Variants in XPO4 observed in about 807,000 individuals in gnomAD.
XPO4 encodes the protein exportin-4.
A neutral mutation model predicts 143.0 loss-of-function variants in XPO4; 39 were observed. The observed-to-expected ratio is 0.27, with a 90% CI of 0.21 to 0.36. XPO4 has a LOEUF of 0.36. Among genes scored for constraint, XPO4 ranks in the 10% least tolerant of loss-of-function variants. XPO4 has a pLI of 1.00. For synonymous variants in XPO4, 439 were observed against 474.0 expected (o/e 0.93, Z 0.96); for missense variants, 907 against 1,348.0 (o/e 0.67, Z 5.12).
At chr13:20,854,556 A>G (rs951937507) in intron 4 of XPO4, among the ~76,000 whole-genome samples, 17 of 152,248 alleles carry the variant, frequency 1.1e-4, no homozygotes, top group African/African-American at 4.1e-4. Flanking sequence ...TTGTAAAGGT[A>G]ATAAGCTACC....
chr13:20,805,040 G>T (rs1008462590), intron 13 of XPO4, among the ~76,000 whole-genome samples: 5 of 152,014 alleles, frequency 3.3e-5, no homozygotes, highest in Admixed American at 1.3e-4. Flanking sequence ...TGCCTCCGAG[G>T]TTCAAGCGAT....
intron 9 of XPO4, among the ~76,000 whole-genome samples, chr13:20,818,470 C>T (rs958307707): frequency 4.6e-5 from 7 of 152,096 alleles, no homozygotes; most frequent in African/African-American, 9.7e-5. Context: ...ACATGAATTG[C>T]TATTAAAAAA....
chr13:20,898,327 G>A (rs1189994708), intron 1 of XPO4, among the ~76,000 whole-genome samples: 1 of 152,214 alleles, frequency 6.6e-6, no homozygotes, highest in Non-Finnish European at 1.5e-5. Flanking sequence ...CACTTTGGGA[G>A]ACCAAGGTGG....
Position 20,855,661 on chromosome 13 carries a change from A to G in XPO4, c.422T>C (p.Val141Ala), listed in dbSNP as rs1202439412. ...SIDCKSIFHEVSQLISSGNPT... is the reference protein window; with the variant it reads ...SIDCKSIFHEASQLISSGNPT... ...ATTGCCACTACTAATCAACTGGCTGACTTCATGAAAAATGCTTTTGCAGTC... is the reference window on the plus strand; with the variant it reads ...ATTGCCACTACTAATCAACTGGCTGGCTTCATGAAAAATGCTTTTGCAGTC... The change falls in exon 4 of 23, where the codon GTC (valine) becomes GCC (alanine). Residue 141 changes from valine (V) to alanine (A), a missense_variant. By Grantham distance (64) the Val-to-Ala change is moderately conservative. Coordinates refer to ENST00000255305, the MANE Select transcript of XPO4 (RefSeq NM_022459.5). 2 of 1,611,578 alleles carry G rather than the reference A, an allele frequency of 1.2e-6. No homozygotes were observed. Among genetic ancestry groups the G allele is most frequent in the African/African-American group, 2.7e-5 (2 of 74,878 alleles).
rs77885654 is a variant in XPO4, at chr13:20,893,052, G to A, written c.69+9618C>T. On this transcript the variant is annotated intron_variant, in intron 1 of 22. Coordinates refer to ENST00000255305, the MANE Select transcript of XPO4 (RefSeq NM_022459.5). ...TCCAGACAGAAGGACTAGTATATGA[G>A]AGGCCCTGTGACAGGACACAGGACA... Among the ~76,000 whole-genome samples, 957 of 152,180 alleles carry A rather than the reference G, an allele frequency of 6.3e-3. 52 individuals are homozygous for A. In the East Asian group the frequency reaches 0.13, roughly 20 times the overall value.
At chr13:20,848,962 C>A (rs2060056849) in intron 4 of XPO4, 2 of 985,398 alleles carry the variant, frequency 2.0e-6, no homozygotes, top group Non-Finnish European at 2.4e-6. Context: ...CTTATCTTCA[C>A]ATTGAAAGTC....
chr13:20,789,554 C>A (rs2059250628), intron 19 of XPO4, among the ~76,000 whole-genome samples: 1 of 151,606 alleles, frequency 6.6e-6, no homozygotes, highest in South Asian at 2.1e-4. Context: ...ACCACCACAC[C>A]CGGCTTTTTT....
At chr13:20,789,700 G>A (rs1164159884) in intron 19 of XPO4, among the ~76,000 whole-genome samples, 1 of 151,714 alleles carries the variant, frequency 6.6e-6, no homozygotes, top group Non-Finnish European at 1.5e-5. Flanking sequence ...GAGCCACTGC[G>A]CCCGGCCCAG....
chr13:20,804,851 T>C (rs976802882), intron 13 of XPO4, among the ~76,000 whole-genome samples: 6 of 152,108 alleles, frequency 3.9e-5, no homozygotes, highest in Admixed American at 1.3e-4. Context: ...ACCTCCACTA[T>C]AGGTCTGAGC....
chr13:20,865,633 A>G, intron 2 of XPO4: 1 of 953,380 alleles, frequency 1.0e-6, no homozygotes, highest in Non-Finnish European at 1.2e-6. Flanking sequence ...CATGAAGACA[A>G]AAGTTAAAGT....
intron 6 of XPO4, among the ~76,000 whole-genome samples, chr13:20,831,706 CTTTA>C: frequency 6.6e-6 from 1 of 151,904 alleles, no homozygotes; most frequent in East Asian, 1.9e-4. Context: ...TTTGCTAACC[CTTTA>C]TCTTAAAAAA....
chr13:20,786,932 GAA>G, intron 22 of XPO4, 31 bp downstream of exon 22: 1 of 1,521,780 alleles, frequency 6.6e-7, no homozygotes, highest in Non-Finnish European at 8.8e-7. Context: ...AATAGAATGA[GAA>G]GAGTCCCCTG....
intron 4 of XPO4, chr13:20,851,792 G>A: frequency 7.1e-6 from 7 of 984,552 alleles, no homozygotes; most frequent in Non-Finnish European, 8.4e-6. Flanking sequence ...AGTCTTTCAT[G>A]AGAATATTAC....
chr13:20,847,578 G>A (rs569963732), intron 4 of XPO4, among the ~76,000 whole-genome samples: 19 of 152,228 alleles, frequency 1.2e-4, no homozygotes, highest in African/African-American at 4.1e-4. Context: ...TGGGCATTCC[G>A]AGTGCACTAC....
chr13:20,855,746 C>A lies in XPO4; in HGVS notation c.337G>T (p.Glu113Ter). 6.3e-7 allele frequency: 1 copy of A among 1,596,254 alleles called. No individual in the cohort carries two copies. The highest frequency in any genetic ancestry group is 2.2e-5 in the East Asian group (1 of 44,582). The change falls in exon 4 of 23, where the codon GAA becomes TAA. Residue 113 changes from glutamate to a stop codon, truncating the protein, a stop_gained. Coordinates refer to ENST00000255305, the MANE Select transcript of XPO4 (RefSeq NM_022459.5). LOFTEE classifies it high-confidence loss of function. ...ACTGCTACTGCTAGTAGAATCTGTT[C>A]CCGAACATACTTTTGAAGGCTGTAA... Reference protein sequence around the residue: ...QRPNLQKYVREQILLAVAVIV... With the variant: ...QRPNLQKYVR
At chr13:20,839,189 A>G (rs2059948618) in intron 6 of XPO4, among the ~76,000 whole-genome samples, 1 of 152,268 alleles carries the variant, frequency 6.6e-6, no homozygotes, top group South Asian at 2.1e-4. Flanking sequence ...GCCTGCACCC[A>G]GAAGGCAGAG....
chr13:20,855,544 T>C, intron 4 of XPO4, 83 bp downstream of exon 4: 1 of 1,240,930 alleles, frequency 8.1e-7, no homozygotes. Flanking sequence ...TTTATGTAGA[T>C]ATCCATTACT....
At chr13:20,902,560 C>A (rs1175401717) in intron 1 of XPO4, 110 bp downstream of exon 1, 13 of 1,333,182 alleles carry the variant, frequency 9.8e-6, no homozygotes, top group Non-Finnish European at 1.3e-5. Flanking sequence ...CACTTCCAGG[C>A]TCCCTGCAGG....
intron 4 of XPO4, chr13:20,850,671 GGGA>G (rs1333080383): frequency 2.2e-6 from 1 of 457,114 alleles, no homozygotes; most frequent in Non-Finnish European, 2.9e-6. Flanking sequence ...AAGCTGAGGT[GGGA>G]GGATCACTTG....
Sources: allele counts gnomAD v4.1 joint callset (sites outside exome capture counted in the v4.1 genomes callset), GRCh38; gene constraint gnomAD v4.1.1; transcripts MANE v1.5; gene names NCBI Gene and HGNC (gene_info 2026-07-23, HGNC 2026-07-21).